DLEU7: variants seen among roughly 807,000 people sequenced by gnomAD.
DLEU7 encodes the protein leukemia-associated protein 7.
DLEU7 carries 17 observed loss-of-function variants against 16.0 expected under a neutral mutation model. The ratio of observed to expected loss-of-function variants is 1.06; its 90% CI spans 0.73 to 1.59. DLEU7 has a LOEUF of 1.59. Among genes scored for constraint, DLEU7 ranks in the 40% most tolerant of loss-of-function variants. The pLI is 0.00. For synonymous variants in DLEU7, 113 were observed against 139.8 expected (o/e 0.81, Z 1.35); for missense variants, 308 against 314.9 (o/e 0.98, Z 0.17).
At chr13:50,758,025 A>ATTTTTTTTTTT (rs5803530) in intron 1 of DLEU7, among the ~76,000 whole-genome samples, 2 of 89,110 alleles carry the variant, frequency 2.2e-5, no homozygotes, top group African/African-American at 5.0e-5. Flanking sequence ...CATTACCAAG[A>ATTTTTTTTTTT]TTTTTTTTTT....
At chr13:50,734,719 T>C (rs1193879854) in intron 1 of DLEU7, among the ~76,000 whole-genome samples, 2 of 152,130 alleles carry the variant, frequency 1.3e-5, no homozygotes, top group African/African-American at 4.8e-5. Context: ...CAGGGACTGG[T>C]GGTTAATATC....
chr13:50,758,440 T>A (rs576158678), intron 1 of DLEU7, among the ~76,000 whole-genome samples: 7 of 152,228 alleles, frequency 4.6e-5, no homozygotes, highest in South Asian at 2.1e-4. Context: ...GTAAAAAAAA[T>A]TTATTATGTC....
intron 1 of DLEU7, among the ~76,000 whole-genome samples, chr13:50,814,685 AC>A (rs1476545777): frequency 2.7e-5 from 1 of 37,532 alleles, no homozygotes; most frequent in Non-Finnish European, 7.9e-5. Flanking sequence ...AACTACACAC[AC>A]ACACACACAC....
chr13:50,824,324 A>T (rs1487171787), intron 1 of DLEU7, among the ~76,000 whole-genome samples: 3 of 152,188 alleles, frequency 2.0e-5, no homozygotes, highest in East Asian at 3.8e-4. Context: ...CACATCAAAG[A>T]TAATGCTGAA....
intron 1 of DLEU7, among the ~76,000 whole-genome samples, chr13:50,768,729 G>A (rs1004808844): frequency 6.6e-6 from 1 of 152,160 alleles, no homozygotes; most frequent in Non-Finnish European, 1.5e-5. Flanking sequence ...ATTGTGAATA[G>A]TGCCGCAATA....
chr13:50,807,488 T>C (rs1876426458), intron 1 of DLEU7, among the ~76,000 whole-genome samples: 1 of 151,578 alleles, frequency 6.6e-6, no homozygotes, highest in South Asian at 2.1e-4. Context: ...AATCTTTGAG[T>C]GTTGAGGTTT....
intron 1 of DLEU7, among the ~76,000 whole-genome samples, chr13:50,780,711 G>T (rs1476406139): frequency 6.6e-6 from 1 of 152,166 alleles, no homozygotes; most frequent in Non-Finnish European, 1.5e-5. Flanking sequence ...TCCCAAAAGG[G>T]TTCCCACAGA....
At chr13:50,801,259 G>A (rs116172641) in intron 1 of DLEU7, among the ~76,000 whole-genome samples, 2,442 of 152,090 alleles carry the variant, frequency 0.016, 34 homozygotes, top group South Asian at 0.038. Flanking sequence ...GTGAGCTCTC[G>A]GTAGCTGAAG....
chr13:50,749,371 A>G (rs548576272), intron 1 of DLEU7, among the ~76,000 whole-genome samples: 1 of 152,134 alleles, frequency 6.6e-6, no homozygotes, highest in Non-Finnish European at 1.5e-5. Flanking sequence ...ACAATTTTGC[A>G]ACTGCAAATT....
chr13:50,821,050 G>A (rs1190822776), downstream of DLEU7, among the ~76,000 whole-genome samples: 2 of 152,092 alleles, frequency 1.3e-5, no homozygotes, highest in Non-Finnish European at 2.9e-5. Flanking sequence ...AACATTGCAG[G>A]TCTAGGAAAT....
At chr13:50,798,946 C>T (rs1258249583) in intron 1 of DLEU7, among the ~76,000 whole-genome samples, 1 of 152,222 alleles carries the variant, frequency 6.6e-6, no homozygotes, top group Non-Finnish European at 1.5e-5. Flanking sequence ...CTTGCTTCTC[C>T]TCCAACTCTC....
chr13:50,842,835 G>A (rs1001933918), intron 1 of DLEU7, among the ~76,000 whole-genome samples: 3 of 152,194 alleles, frequency 2.0e-5, no homozygotes, highest in Non-Finnish European at 4.4e-5. Flanking sequence ...GAAAGTGGGT[G>A]GGGGGAGCTG....
At chr13:50,775,013 T>C (rs978178641) in intron 1 of DLEU7, among the ~76,000 whole-genome samples, 1 of 152,170 alleles carries the variant, frequency 6.6e-6, no homozygotes, top group Non-Finnish European at 1.5e-5. Context: ...TCCTATAAAT[T>C]CATTAACATA....
At chr13:50,729,121 C>A (rs1873846180) in intron 1 of DLEU7, among the ~76,000 whole-genome samples, 1 of 152,102 alleles carries the variant, frequency 6.6e-6, no homozygotes, top group Non-Finnish European at 1.5e-5. Flanking sequence ...TATTTAATCA[C>A]CCATGTATTA....
At chr13:50,729,586 A>C (rs779987760) in intron 1 of DLEU7, among the ~76,000 whole-genome samples, 10 of 152,186 alleles carry the variant, frequency 6.6e-5, no homozygotes, top group Non-Finnish European at 1.0e-4. Context: ...CTTCTGTTTT[A>C]AGTTTTTTGA....
intron 1 of DLEU7, among the ~76,000 whole-genome samples, chr13:50,753,801 G>A (rs2447245): frequency 0.47 from 71,457 of 151,948 alleles, 17,774 homozygotes; most frequent in African/African-American, 0.62. Flanking sequence ...GCCAAAGTGG[G>A]AGCCCAGGCA....
intron 1 of DLEU7, among the ~76,000 whole-genome samples, chr13:50,743,371 G>T (rs1874307272): frequency 6.6e-6 from 1 of 152,158 alleles, no homozygotes; most frequent in East Asian, 1.9e-4. Flanking sequence ...CAATACTGTG[G>T]GAAGGACTGT....
downstream of DLEU7, among the ~76,000 whole-genome samples, chr13:50,818,940 C>A (rs1004857145): frequency 6.6e-5 from 10 of 152,258 alleles, no homozygotes; most frequent in African/African-American, 2.4e-4. Context: ...ACCACAATAT[C>A]CCTAATGTAA....
intron 1 of DLEU7, among the ~76,000 whole-genome samples, chr13:50,839,671 G>A (rs1877584513): frequency 6.6e-6 from 1 of 152,118 alleles, no homozygotes; most frequent in Admixed American, 6.5e-5. Context: ...GTCTGTTTTT[G>A]TCAATAGTTC....
Sources: gnomAD v4.1 joint callset for allele counts (sites outside exome capture counted in the v4.1 genomes callset) on GRCh38, gnomAD v4.1.1 for gene constraint, MANE v1.5 for transcripts, NCBI Gene and HGNC (gene_info 2026-07-23, HGNC 2026-07-21) for gene names.